Variants in PRMT3 observed in about 807,000 individuals in gnomAD.
PRMT3 encodes protein arginine methyltransferase 3, also known as protein arginine N-methyltransferase 3.
PRMT3 carries 62 observed loss-of-function variants against 71.9 expected under a neutral mutation model. The ratio of observed to expected loss-of-function variants is 0.86; its 90% CI spans 0.70 to 1.07. The LOEUF (loss-of-function observed/expected upper bound fraction) is 1.07. PRMT3 is among the 50% of genes least tolerant of loss of function. The pLI is 0.00. For missense variants in PRMT3, 663 were observed against 643.0 expected (o/e 1.03, Z -0.34); for synonymous variants, 213 against 220.4 (o/e 0.97, Z 0.30).
intron 9 of PRMT3, among the ~76,000 whole-genome samples, chr11:20,413,395 T>G (rs933445778): frequency 6.6e-6 from 1 of 152,158 alleles, no homozygotes; most frequent in African/African-American, 2.4e-5. Flanking sequence ...TGACTTGAGT[T>G]CTAATTTTTC....
At chr11:20,454,254 A>G (rs192577370) in intron 11 of PRMT3, among the ~76,000 whole-genome samples, 53 of 152,284 alleles carry the variant, frequency 3.5e-4, no homozygotes, top group Middle Eastern at 3.4e-3. Context: ...AAATGTGATT[A>G]TTGCCTTGAC....
At chr11:20,411,647 C>CAAAGA (rs1274392208) in intron 9 of PRMT3, among the ~76,000 whole-genome samples, 1 of 152,042 alleles carries the variant, frequency 6.6e-6, no homozygotes, top group Non-Finnish European at 1.5e-5. Context: ...ACAAAGATCA[C>CAAAGA]TACTAACCAT....
chr11:20,403,030 G>C (rs751957673), intron 8 of PRMT3, 46 bp downstream of exon 8: 3 of 1,416,034 alleles, frequency 2.1e-6, no homozygotes, highest in South Asian at 2.3e-5. Context: ...CTTGTTCTTG[G>C]GCAGTAGAAA....
intron 2 of PRMT3, among the ~76,000 whole-genome samples, chr11:20,388,630 T>C (rs1848648558): frequency 6.6e-6 from 1 of 152,234 alleles, no homozygotes; most frequent in Non-Finnish European, 1.5e-5. Context: ...CTTTGACCAG[T>C]ACAGAGCTTC....
intron 8 of PRMT3, among the ~76,000 whole-genome samples, chr11:20,404,700 T>C (rs1849034230): frequency 6.6e-6 from 1 of 152,188 alleles, no homozygotes; most frequent in African/African-American, 2.4e-5. Flanking sequence ...TAATATGTTA[T>C]ATAGAGATGA....
chr11:20,464,413 T>TTG, intron 12 of PRMT3, 47 bp from the exon 13 acceptor site: 3 of 1,529,244 alleles, frequency 2.0e-6, no homozygotes, highest in Non-Finnish European at 2.6e-6. Flanking sequence ...TTTTTTTTTT[T>TTG]GGACTATTTT....
intron 5 of PRMT3, among the ~76,000 whole-genome samples, chr11:20,394,271 T>G (rs1848778011): frequency 6.6e-6 from 1 of 152,212 alleles, no homozygotes; most frequent in Non-Finnish European, 1.5e-5. Context: ...ATTCACTAAC[T>G]ACATATATTA....
intron 10 of PRMT3, among the ~76,000 whole-genome samples, chr11:20,440,499 A>AAAAAAAAAAAAAAAG: frequency 6.6e-6 from 1 of 150,704 alleles, no homozygotes; most frequent in Non-Finnish European, 1.5e-5. Context: ...CAAAAAAAAA[A>AAAAAAAAAAAAAAAG]AAAAAAAAAA....
chr11:20,436,793 C>T (rs1161788050), intron 10 of PRMT3, among the ~76,000 whole-genome samples: 1 of 151,686 alleles, frequency 6.6e-6, no homozygotes, highest in East Asian at 1.9e-4. Context: ...ATAATGCTAA[C>T]CTCATAGAAT....
Position 20,392,896 on chromosome 11 carries a change from G to C in PRMT3, c.298-1G>C. 1 of 1,555,784 alleles carries C rather than the reference G, an allele frequency of 6.4e-7. No individual in the cohort carries two copies. The highest frequency in any genetic ancestry group is 8.8e-7 in the Non-Finnish European group (1 of 1,132,350). ...AAACATGAGATTAATTTTATATCCAGAATCCTACAGTTGAGTACATGAATT... is the reference window on the plus strand; with the variant it reads ...AAACATGAGATTAATTTTATATCCACAATCCTACAGTTGAGTACATGAATT... On this transcript the variant is annotated splice_acceptor_variant, in intron 4 of 15. Coordinates refer to ENST00000331079, the MANE Select transcript of PRMT3 (RefSeq NM_005788.4). LOFTEE classifies it high-confidence loss of function.
chr11:20,451,931 C>G (rs932497518), intron 10 of PRMT3, among the ~76,000 whole-genome samples, 199 bp from the exon 11 acceptor site: 1 of 152,052 alleles, frequency 6.6e-6, no homozygotes, highest in Non-Finnish European at 1.5e-5. Flanking sequence ...AATAAACTTT[C>G]TGGGTTCACT....
chr11:20,415,215 T>A (rs1372201974), intron 9 of PRMT3, among the ~76,000 whole-genome samples: 1 of 152,042 alleles, frequency 6.6e-6, no homozygotes, highest in Non-Finnish European at 1.5e-5. Context: ...TTAAAAAAAA[T>A]TTGTTCTTCA....
At chr11:20,434,071 G>A (rs1590061099) in intron 10 of PRMT3, among the ~76,000 whole-genome samples, 1 of 152,208 alleles carries the variant, frequency 6.6e-6, no homozygotes, top group South Asian at 2.1e-4. Flanking sequence ...TAGCCATTCT[G>A]ACTGGTGTGA....
At chr11:20,412,199 T>C (rs1055391178) in intron 9 of PRMT3, among the ~76,000 whole-genome samples, 6 of 152,162 alleles carry the variant, frequency 3.9e-5, no homozygotes. Context: ...GATCCAGTGA[T>C]ATTTGTGTAG....
At chr11:20,470,887 C>T (rs1197757791) in intron 13 of PRMT3, among the ~76,000 whole-genome samples, 1 of 152,204 alleles carries the variant, frequency 6.6e-6, no homozygotes, top group Non-Finnish European at 1.5e-5. Flanking sequence ...TCCTTCTCCA[C>T]AACCTCACCA....
At chr11:20,486,806 C>T (rs1851084071) in intron 13 of PRMT3, among the ~76,000 whole-genome samples, 2 of 152,130 alleles carry the variant, frequency 1.3e-5, no homozygotes. Context: ...CCTGTAATCC[C>T]AGCACTTCGG....
intron 5 of PRMT3, among the ~76,000 whole-genome samples, chr11:20,394,274 A>G (rs952256226): frequency 2.0e-5 from 3 of 152,240 alleles, no homozygotes; most frequent in Admixed American, 2.0e-4. Flanking sequence ...CACTAACTAC[A>G]TATATTAACT....
chr11:20,452,126 G>A lies in PRMT3; in HGVS notation c.994-4G>A, dbSNP rs1303730958. On this transcript the variant is annotated splice_polypyrimidine_tract_variant and splice_region_variant and intron_variant, in intron 10 of 15. Transcript: ENST00000331079. The stretch of plus-strand genomic sequence containing the variant: ...AACTCTTTTTTTCCCCTTTTTTTAT[G>A]CAGGGCTATTTTCTTCTGTTTGAGT... 1.3e-6 allele frequency: 2 copies of A among 1,591,722 alleles called. No homozygotes were observed. Among genetic ancestry groups the A allele is most frequent in the African/African-American group, 2.7e-5 (2 of 74,092 alleles).
intron 13 of PRMT3, among the ~76,000 whole-genome samples, chr11:20,468,543 AT>A (rs1489099405): frequency 6.6e-6 from 1 of 151,990 alleles, no homozygotes; most frequent in Non-Finnish European, 1.5e-5. Context: ...TAATTTTTGT[AT>A]TTTTAGTAGA....
Sources: gnomAD v4.1 joint callset for allele counts (sites outside exome capture counted in the v4.1 genomes callset) on GRCh38, gnomAD v4.1.1 for gene constraint, MANE v1.5 for transcripts, NCBI Gene and HGNC (gene_info 2026-07-23, HGNC 2026-07-21) for gene names.